The following CDH13 variants were observed in gnomAD, a reference collection of about 807,000 sequenced individuals.
CDH13 encodes cadherin-13.
Under a neutral mutation model 63.8 loss-of-function variants are expected in CDH13, and 24 were observed. That is an observed-to-expected ratio of 0.38 (90% confidence interval 0.27 to 0.53). CDH13 has a LOEUF of 0.53. Among genes scored for constraint, CDH13 ranks in the 20% least tolerant of loss-of-function variants. The pLI, the probability that CDH13 is intolerant of heterozygous loss-of-function variation, is 0.85. For missense variants in CDH13, 1,049 were observed against 903.1 expected (o/e 1.16, Z -2.07); for synonymous variants, 503 against 355.3 (o/e 1.42, Z -4.67).
intron 2 of CDH13, among the ~76,000 whole-genome samples, chr16:82,892,338 A>G (rs1422997028): frequency 6.6e-6 from 1 of 152,182 alleles, no homozygotes; most frequent in Admixed American, 6.5e-5. Flanking sequence ...CACACACTCT[A>G]GTCTTACGCA....
chr16:83,783,246 C>T lies in CDH13; in HGVS notation c.1916-8C>T, dbSNP rs1915653412. On this transcript the variant is annotated splice_region_variant and splice_polypyrimidine_tract_variant and intron_variant, in intron 12 of 13. Coordinates refer to ENST00000567109, the MANE Select transcript of CDH13 (RefSeq NM_001257.5). ...CCACTCTCACCAGAACCCTCCTTGC[C>T]TTTACAGATACACACGCCCTGGTAA... 1.2e-6 allele frequency: 2 copies of T among 1,607,972 alleles called. No individual in the cohort carries two copies. The highest frequency in any genetic ancestry group is 1.7e-6 in the Non-Finnish European group (2 of 1,175,036).
chr16:83,016,775 C>T (rs1306174988), intron 2 of CDH13, among the ~76,000 whole-genome samples: 1 of 151,956 alleles, frequency 6.6e-6, no homozygotes, highest in Non-Finnish European at 1.5e-5. Flanking sequence ...TCTAGATATC[C>T]ACAAGGAAGG....
intron 10 of CDH13, among the ~76,000 whole-genome samples, chr16:83,701,283 C>G (rs1023525065): frequency 2.0e-5 from 3 of 152,174 alleles, no homozygotes; most frequent in Non-Finnish European, 2.9e-5. Flanking sequence ...AAGAGGGCAG[C>G]CGAATGGGGC....
At chr16:82,727,891 T>C (rs972160588) in intron 1 of CDH13, among the ~76,000 whole-genome samples, 14 of 152,298 alleles carry the variant, frequency 9.2e-5, no homozygotes, top group Admixed American at 2.0e-4. Flanking sequence ...CAGCCCGTTC[T>C]GTGTCAAGAA....
At chr16:82,643,896 A>T (rs927963781) in intron 1 of CDH13, among the ~76,000 whole-genome samples, 1 of 146,996 alleles carries the variant, frequency 6.8e-6, no homozygotes, top group African/African-American at 2.5e-5. Flanking sequence ...ACAGGTGTGG[A>T]CCACCAGGCC....
At chr16:83,027,506 G>C (rs1327115240) in intron 2 of CDH13, among the ~76,000 whole-genome samples, 1 of 152,176 alleles carries the variant, frequency 6.6e-6, no homozygotes, top group Non-Finnish European at 1.5e-5. Context: ...AGATGCAAGA[G>C]TGGGTGAGGT....
At chr16:82,869,279 C>T (rs754926792) in intron 2 of CDH13, among the ~76,000 whole-genome samples, 3 of 152,116 alleles carry the variant, frequency 2.0e-5, no homozygotes, top group Admixed American at 6.5e-5. Context: ...CTCCTGGCCT[C>T]AAACGATCGT....
At chr16:82,681,010 C>T (rs989062072) in intron 1 of CDH13, among the ~76,000 whole-genome samples, 1 of 152,202 alleles carries the variant, frequency 6.6e-6, no homozygotes, top group African/African-American at 2.4e-5. Flanking sequence ...CTACAAAGGC[C>T]AGTGTCTCAG....
chr16:83,757,329 G>C (rs1913592526), intron 11 of CDH13, among the ~76,000 whole-genome samples: 1 of 152,184 alleles, frequency 6.6e-6, no homozygotes, highest in East Asian at 1.9e-4. Context: ...TGTAATCCCA[G>C]AATTTTGGGA....
At chr16:83,428,437 GATTC>G (rs1242845858) in intron 6 of CDH13, among the ~76,000 whole-genome samples, 1 of 151,764 alleles carries the variant, frequency 6.6e-6, no homozygotes, top group Non-Finnish European at 1.5e-5. Flanking sequence ...CCATTGACAA[GATTC>G]ATTTTTAATT....
chr16:82,816,670 G>A (rs1228045384), intron 1 of CDH13, among the ~76,000 whole-genome samples: 1 of 151,416 alleles, frequency 6.6e-6, no homozygotes, highest in Non-Finnish European at 1.5e-5. Context: ...TGGAGTGAGG[G>A]GGAGATAATA....
At chr16:82,656,306 G>GGTGTGT (rs1555529667) in intron 1 of CDH13, among the ~76,000 whole-genome samples, 3 of 147,198 alleles carry the variant, frequency 2.0e-5, no homozygotes, top group African/African-American at 7.9e-5. Context: ...GCATTTGAAT[G>GGTGTGT]GTGTGCGTGT....
chr16:82,865,539 C>A (rs939197596), intron 2 of CDH13, among the ~76,000 whole-genome samples: 1 of 152,212 alleles, frequency 6.6e-6, no homozygotes, highest in East Asian at 1.9e-4. Context: ...TATTTTGGCC[C>A]CTTTTAGCCA....
chr16:83,783,371 A>C lies in CDH13; in HGVS notation c.2033A>C (p.Gln678Pro). Residue 678 changes from glutamine (Q) to proline (P), a missense_variant, in exon 13 of 14, where the codon CAA (glutamine) becomes CCA (proline). Coordinates refer to ENST00000567109, the MANE Select transcript of CDH13 (RefSeq NM_001257.5). ...ACGAATATCACAGATCTCAGGGTAC[A>C]AGTGTGCTCCTGCAGGAATTCCAAA... ...PMTNITDLRV[Q>P]VCSCRNSKVD... is the part of the protein sequence containing the mutation. The C allele has an allele frequency of 6.2e-7, 1 of 1,613,958 alleles. No homozygotes were observed. Among genetic ancestry groups the C allele is most frequent in the South Asian group, 1.1e-5 (1 of 91,080 alleles).
intron 2 of CDH13, among the ~76,000 whole-genome samples, chr16:82,956,085 C>G (rs941508333): frequency 3.9e-5 from 6 of 152,168 alleles, no homozygotes; most frequent in Non-Finnish European, 7.3e-5. Context: ...CTAACCTCAA[C>G]CCAGCCCCAG....
At chr16:83,367,020 GT>G (rs35232385) in intron 6 of CDH13, among the ~76,000 whole-genome samples, 5 of 151,946 alleles carry the variant, frequency 3.3e-5, no homozygotes, top group Admixed American at 6.6e-5. Flanking sequence ...ATAATTCAAT[GT>G]TTTTTGGTCT....
At chr16:83,537,552 C>T (rs1173418371) in intron 7 of CDH13, among the ~76,000 whole-genome samples, 2 of 152,142 alleles carry the variant, frequency 1.3e-5, no homozygotes, top group Admixed American at 6.5e-5. Flanking sequence ...TGCTCACACT[C>T]TGGCAGATCT....
chr16:83,005,445 T>A (rs1447804937), intron 2 of CDH13, among the ~76,000 whole-genome samples: 2 of 152,156 alleles, frequency 1.3e-5, no homozygotes, highest in Non-Finnish European at 2.9e-5. Context: ...GGTACTTCCA[T>A]GATTCAGTGC....
intron 3 of CDH13, among the ~76,000 whole-genome samples, chr16:83,036,978 G>C (rs1916918272): frequency 6.6e-6 from 1 of 152,148 alleles, no homozygotes; most frequent in South Asian, 2.1e-4. Flanking sequence ...GATGGAGACA[G>C]CATCTGAAGA....
Sources: gnomAD v4.1 joint callset for allele counts (sites outside exome capture counted in the v4.1 genomes callset) on GRCh38, gnomAD v4.1.1 for gene constraint, MANE v1.5 for transcripts, NCBI Gene and HGNC (gene_info 2026-07-23, HGNC 2026-07-21) for gene names.